Variants in VSTM2B observed in about 807,000 individuals in gnomAD.
VSTM2B encodes the protein V-set and transmembrane domain containing 2B.
In VSTM2B, 24 loss-of-function variants were observed where a neutral mutation model predicts 24.0. That is an observed-to-expected ratio of 1.00 (90% CI 0.72 to 1.40). The LOEUF (loss-of-function observed/expected upper bound fraction) is 1.40. Ranked by LOEUF, VSTM2B falls within the 40% of genes most tolerant of loss-of-function variation. The pLI, the probability that VSTM2B is intolerant of heterozygous loss-of-function variation, is 0.00. For synonymous variants in VSTM2B, 226 were observed against 194.4 expected (o/e 1.16, Z -1.35); for missense variants, 399 against 416.4 (o/e 0.96, Z 0.36).
chr19:29,556,047 A>G (rs1313296246), intron 4 of VSTM2B, among the ~76,000 whole-genome samples: 1 of 152,120 alleles, frequency 6.6e-6, no homozygotes, highest in African/African-American at 2.4e-5. Context: ...ACTTCTCCCT[A>G]ACTCATTTTG....
intron 3 of VSTM2B, 98 bp downstream of exon 3, chr19:29,528,560 G>A: frequency 1.4e-6 from 2 of 1,448,676 alleles, no homozygotes; most frequent in Non-Finnish European, 1.9e-6. Context: ...CCGCGCATGT[G>A]GGGCCGCGCA....
chr19:29,541,931 G>C (rs1297804020), intron 4 of VSTM2B, among the ~76,000 whole-genome samples: 1 of 151,856 alleles, frequency 6.6e-6, no homozygotes, highest in Non-Finnish European at 1.5e-5. Context: ...GGGTGGATGG[G>C]AGAATGAATG....
In VSTM2B at chr19:29,526,527, C is replaced by A; in HGVS notation, c.-57C>A. 7.1e-7 allele frequency: 1 copy of A among 1,401,440 alleles called. No individual in the cohort carries two copies. The highest frequency in any genetic ancestry group is 9.5e-7 in the Non-Finnish European group (1 of 1,055,496). The allele number at this position is 1,401,440 out of a possible 1,614,324, so 86.8% of individuals were successfully genotyped here. A position where few individuals can be genotyped will look rare whatever the true frequency, so the allele number is the denominator to read the frequency against. On this transcript the variant is annotated 5_prime_UTR_variant, in exon 1 of 5. Coordinates refer to ENST00000335523, the MANE Select transcript of VSTM2B (RefSeq NM_001146339.2). This position sits in a 1 kb window ranked among gnomAD's most constrained non-coding sequence, Gnocchi z 4.1. ...CCGAGCCGGAGCCGATCCGAGCCCA[C>A]GCGGCCGCCGCCTCTCCGCTCCCGG...
chr19:29,528,957 G>A, intron 3 of VSTM2B: 1 of 985,462 alleles, frequency 1.0e-6, no homozygotes, highest in Non-Finnish European at 1.2e-6. Flanking sequence ...CAGGGGACGG[G>A]GTAGGGGGTG....
At chr19:29,550,479 C>T (rs1276445841) in intron 4 of VSTM2B, among the ~76,000 whole-genome samples, 3 of 152,110 alleles carry the variant, frequency 2.0e-5, no homozygotes, top group Non-Finnish European at 4.4e-5. Context: ...AAATGCAGAA[C>T]AGACATGAGT....
At chr19:29,558,796 A>G (rs1362520198) in intron 4 of VSTM2B, among the ~76,000 whole-genome samples, 2 of 152,202 alleles carry the variant, frequency 1.3e-5, no homozygotes, top group Non-Finnish European at 2.9e-5. Context: ...TAGGTGCAGC[A>G]AACCACCATG....
chr19:29,534,874 A>AT (rs1006066997), intron 4 of VSTM2B, among the ~76,000 whole-genome samples: 1 of 152,112 alleles, frequency 6.6e-6, no homozygotes, highest in African/African-American at 2.4e-5. Context: ...AAAAGTCCCT[A>AT]TTTTTTAAGT....
intron 4 of VSTM2B, among the ~76,000 whole-genome samples, chr19:29,543,057 C>T (rs1486295520): frequency 1.3e-5 from 2 of 152,198 alleles, no homozygotes; most frequent in Admixed American, 1.3e-4. Flanking sequence ...CGGACCTCCT[C>T]CCTCTGCTGG....
At chr19:29,543,975 C>T (rs937776523) in intron 4 of VSTM2B, among the ~76,000 whole-genome samples, 4 of 152,040 alleles carry the variant, frequency 2.6e-5, no homozygotes, top group African/African-American at 9.7e-5. Flanking sequence ...GGAGCCCCAC[C>T]CCAACTTCAA....
In VSTM2B at chr19:29,559,632, G is replaced by A. The variant is rs145652727; in HGVS notation, c.770-4214G>A. 1.3e-3 allele frequency among the ~76,000 whole-genome samples: 194 copies of A among 152,272 alleles called. 3 individuals carry two copies. The highest frequency in any genetic ancestry group is 4.5e-3 in the African/African-American group (188 of 41,560). On this transcript the variant is annotated intron_variant, in intron 4 of 4. Transcript: ENST00000335523. ...AATAATATTTTAAATAAATAAGTAG[G>A]TGGTTGAAGAGATAGTTTGCCTTGC...
At chr19:29,527,951 C>CACACCT (rs1328077868) in intron 2 of VSTM2B, among the ~76,000 whole-genome samples, 7 of 152,078 alleles carry the variant, frequency 4.6e-5, no homozygotes, top group Admixed American at 3.9e-4. Context: ...CGCGTGCACA[C>CACACCT]ACACCTACAC....
chr19:29,529,796 C>T lies in VSTM2B; in HGVS notation c.298-23C>T, dbSNP rs1257567740. 17 of 1,545,068 alleles carry T rather than the reference C, an allele frequency of 1.1e-5. No homozygotes were observed. The Admixed American group carries it at 2.2e-4, about 20-fold the overall frequency. ...TAGGTTTGGGAGCTGCCCAGCCCGG[C>T]CTCTAACCCTGCTCTCTTGCAGACC... On this transcript the variant is annotated intron_variant, in intron 3 of 4. Coordinates refer to ENST00000335523, the MANE Select transcript of VSTM2B (RefSeq NM_001146339.2).
At chr19:29,556,934 T>G (rs1328986608) in intron 4 of VSTM2B, among the ~76,000 whole-genome samples, 1 of 152,156 alleles carries the variant, frequency 6.6e-6, no homozygotes, top group African/African-American at 2.4e-5. Context: ...GAAGAATCAA[T>G]GTTGTGAAAA....
Position 29,526,302 on chromosome 19 carries a change from T to C in VSTM2B, c.-282T>C, listed in dbSNP as rs1000258948. On this transcript the variant is annotated 5_prime_UTR_variant, in exon 1 of 5. Transcript: ENST00000335523. This position sits in a 1 kb window ranked among gnomAD's most constrained non-coding sequence, Gnocchi z 4.1. ...TGAACCGCGGATCCCCACCGTCCTG[T>C]GGACGACCGGACAGAGAGAGGCACT... Among the ~76,000 whole-genome samples the C allele has an allele frequency of 7.9e-5, 12 of 151,720 alleles. No individual in the cohort carries two copies. The highest frequency in any genetic ancestry group is 1.6e-4 in the Non-Finnish European group (11 of 67,884).
intron 4 of VSTM2B, among the ~76,000 whole-genome samples, chr19:29,549,667 T>C (rs1019476443): frequency 1.3e-5 from 2 of 152,188 alleles, no homozygotes; most frequent in Admixed American, 6.5e-5. Flanking sequence ...GACACGGGCC[T>C]TGGCATCTGG....
intron 3 of VSTM2B, chr19:29,529,025 C>G (rs1027346796): frequency 1.0e-6 from 1 of 985,312 alleles, no homozygotes; most frequent in Non-Finnish European, 1.2e-6. Context: ...GGAGGAGATG[C>G]GCCCAAGCTT....
chr19:29,544,714 G>T (rs1246330546), intron 4 of VSTM2B, among the ~76,000 whole-genome samples: 16 of 152,112 alleles, frequency 1.1e-4, no homozygotes. Flanking sequence ...GGTCACTCTT[G>T]CAGCCCTGGG....
intron 4 of VSTM2B, among the ~76,000 whole-genome samples, chr19:29,544,384 G>A (rs138159104): frequency 8.6e-5 from 13 of 151,282 alleles, no homozygotes; most frequent in Non-Finnish European, 1.9e-4. Context: ...AAATTAGCCG[G>A]GCTTGGTGGC....
intron 4 of VSTM2B, among the ~76,000 whole-genome samples, chr19:29,532,065 C>T (rs1253069916): frequency 1.3e-5 from 2 of 152,230 alleles, no homozygotes; most frequent in Non-Finnish European, 2.9e-5. Context: ...TATGATGAAT[C>T]AACTTGTTTC....
Sources: gnomAD v4.1 joint callset for allele counts (sites outside exome capture counted in the v4.1 genomes callset) on GRCh38, gnomAD v4.1.1 for gene constraint, Gnocchi (gnomAD v3.1) non-coding constraint, MANE v1.5 for transcripts, NCBI Gene and HGNC (gene_info 2026-07-23, HGNC 2026-07-21) for gene names.